Variants in DIMT1 observed in about 807,000 individuals in gnomAD.
The protein encoded by DIMT1 is dimethyladenosine transferase.
In DIMT1, 36 loss-of-function variants were observed where a neutral mutation model predicts 43.2. The observed-to-expected ratio is 0.83, with a 90% confidence interval of 0.64 to 1.10. DIMT1 has a LOEUF of 1.10. Among genes scored for constraint, DIMT1 ranks in the 50% least tolerant of loss-of-function variants. The pLI is 0.00. For missense variants in DIMT1, 341 were observed against 385.3 expected (o/e 0.88, Z 0.96); for synonymous variants, 126 against 130.3 (o/e 0.97, Z 0.22).
Position 62,389,076 on chromosome 5 carries a change from A to G in DIMT1, c.900-24T>C, listed in dbSNP as rs376464009. 7.0e-5 allele frequency: 113 copies of G among 1,605,996 alleles called. 3 individuals are homozygous for G. The African/African-American group carries it at 1.3e-3, about 18-fold the overall frequency. ...ATCTGAAAAAAGAAATCAAAATGGA[A>G]TGGTACTGAAAAGCTAATTTGTAGC... On this transcript the variant is annotated intron_variant, in intron 11 of 11. Coordinates refer to ENST00000199320, the MANE Select transcript of DIMT1 (RefSeq NM_014473.4).
intron 6 of DIMT1, among the ~76,000 whole-genome samples, chr5:62,395,238 T>A (rs1447300311): frequency 6.6e-6 from 1 of 152,038 alleles, no homozygotes; most frequent in Non-Finnish European, 1.5e-5. Context: ...TTGGCCAGGC[T>A]GGTCTGGAAC....
intron 6 of DIMT1, among the ~76,000 whole-genome samples, chr5:62,396,959 T>C (rs1271715208): frequency 1.3e-5 from 2 of 152,166 alleles, no homozygotes; most frequent in Non-Finnish European, 2.9e-5. Context: ...TCTTGTTTTC[T>C]TTTTTGACAA....
chr5:62,401,997 T>C (rs770225025), intron 3 of DIMT1, 39 bp downstream of exon 3: 102 of 1,585,616 alleles, frequency 6.4e-5, no homozygotes, highest in Non-Finnish European at 8.3e-5. Context: ...CTTGCTAACA[T>C]AGTCATTTGT....
chr5:62,397,443 C>G, intron 6 of DIMT1, among the ~76,000 whole-genome samples: 1 of 152,106 alleles, frequency 6.6e-6, no homozygotes, highest in East Asian at 1.9e-4. Flanking sequence ...TAAGCTAAAC[C>G]AACTGTGATG....
intron 6 of DIMT1, among the ~76,000 whole-genome samples, chr5:62,395,623 T>A (rs1009032975): frequency 6.6e-6 from 1 of 152,228 alleles, no homozygotes; most frequent in African/African-American, 2.4e-5. Context: ...ATTAATTTTA[T>A]AACCACTAGT....
At chr5:62,393,251 A>G (rs1382861366) in intron 8 of DIMT1, among the ~76,000 whole-genome samples, 1 of 151,544 alleles carries the variant, frequency 6.6e-6, no homozygotes, top group Non-Finnish European at 1.5e-5. Context: ...TTTTTTTTTA[A>G]TTTGAAAAAA....
intron 6 of DIMT1, among the ~76,000 whole-genome samples, chr5:62,396,399 T>C (rs966012560): frequency 4.0e-5 from 6 of 151,892 alleles, no homozygotes; most frequent in African/African-American, 1.5e-4. Context: ...TCGCAGCTAC[T>C]TGGGAGGCTG....
intron 2 of DIMT1, 100 bp downstream of exon 2, chr5:62,403,173 G>T: frequency 6.9e-6 from 7 of 1,009,894 alleles, no homozygotes; most frequent in East Asian, 2.5e-5. Context: ...AATATTTACA[G>T]AGCATCTAAT....
In DIMT1 at chr5:62,403,870, C is replaced by G. The variant is rs1412606943; in HGVS notation, c.-98G>C. 1.1e-5 allele frequency: 14 copies of G among 1,315,230 alleles called. No homozygotes were observed. Among genetic ancestry groups the G allele is most frequent in the Non-Finnish European group, 1.5e-5 (14 of 951,276 alleles). The allele number at this position is 1,315,230 out of a possible 1,614,324, so 81.5% of individuals were successfully genotyped here. On this transcript the variant is annotated 5_prime_UTR_variant, in exon 1 of 12. Coordinates refer to ENST00000199320, the MANE Select transcript of DIMT1 (RefSeq NM_014473.4). Reference sequence around the variant, plus strand: ...ACGTGGGGATCGCCGCCACGCGCCGCCCGCACCACTCTGGCCCAAGCGCCG... The same window carrying G: ...ACGTGGGGATCGCCGCCACGCGCCGGCCGCACCACTCTGGCCCAAGCGCCG...
chr5:62,393,065 G>A (rs35014), intron 8 of DIMT1, 75 bp from the exon 9 acceptor site: 227,677 of 974,964 alleles, frequency 0.23, 27,073 homozygotes, highest in Middle Eastern at 0.27. Context: ...GTATTATTTT[G>A]TCTTTTAATA....
intron 6 of DIMT1, 49 bp downstream of exon 6, chr5:62,398,462 C>T (rs375959089): frequency 1.9e-6 from 3 of 1,592,312 alleles, no homozygotes; most frequent in African/African-American, 2.7e-5. Flanking sequence ...ACCACCTGAA[C>T]TGTAAGTCTT....
Position 62,387,517 on chromosome 5 carries a change from C to A in DIMT1, c.*1493G>T, listed in dbSNP as rs1048217127. 2.0e-5 allele frequency: 3 copies of A among 152,040 alleles called. No individual in the cohort carries two copies. The South Asian group carries it at 6.2e-4, about 31-fold the overall frequency. The allele number at this position is 152,040 out of a possible 1,614,324, so 9.4% of individuals were successfully genotyped here. A position where few individuals can be genotyped will look rare whatever the true frequency, so the allele number is the denominator to read the frequency against. ...TACACTATGATGGCTTCATTCTGATCAGGTATTTTAAAAATTAGTACCAGA... is the reference window on the plus strand; with the variant it reads ...TACACTATGATGGCTTCATTCTGATAAGGTATTTTAAAAATTAGTACCAGA... On this transcript the variant is annotated 3_prime_UTR_variant, in exon 12 of 12. Transcript: ENST00000199320.
chr5:62,394,328 C>T (rs561875351), intron 7 of DIMT1, among the ~76,000 whole-genome samples, 156 bp downstream of exon 7: 2 of 152,192 alleles, frequency 1.3e-5, no homozygotes, highest in South Asian at 2.1e-4. Context: ...ATTAGTCAGG[C>T]GTGGTGACGC....
intron 3 of DIMT1, among the ~76,000 whole-genome samples, chr5:62,401,179 T>C (rs1222374068): frequency 6.6e-6 from 1 of 152,054 alleles, no homozygotes; most frequent in Non-Finnish European, 1.5e-5. Context: ...AGGGGAGGCG[T>C]TGGGTATTTC....
chr5:62,403,253 C>T lies in DIMT1; in HGVS notation c.153+20G>A. 2 of 1,608,932 alleles carry T rather than the reference C, an allele frequency of 1.2e-6. No homozygotes were observed. The highest frequency in any genetic ancestry group is 2.2e-5 in the South Asian group (2 of 90,888). ...AATTAATAAACCAACAACTCTCTCC[C>T]TTTCCTCTTCCACACCCACCTTATC... On this transcript the variant is annotated intron_variant, in intron 2 of 11. Coordinates refer to ENST00000199320, the MANE Select transcript of DIMT1 (RefSeq NM_014473.4).
chr5:62,394,406 G>A, intron 7 of DIMT1, 78 bp downstream of exon 7: 2 of 1,475,936 alleles, frequency 1.4e-6, no homozygotes, highest in Non-Finnish European at 1.9e-6. Context: ...AGATCGCAGT[G>A]AGCCACTGCA....
intron 3 of DIMT1, among the ~76,000 whole-genome samples, chr5:62,399,510 G>C (rs963969575): frequency 6.6e-6 from 1 of 151,500 alleles, no homozygotes; most frequent in East Asian, 1.9e-4. Context: ...TGGGCCTAGT[G>C]GTGGGCGCCT....
Position 62,388,685 on chromosome 5 carries a change from A to G in DIMT1, c.*325T>C, listed in dbSNP as rs1008560342. 3.6e-5 allele frequency: 9 copies of G among 249,236 alleles called. No individual in the cohort carries two copies. Among genetic ancestry groups the G allele is most frequent in the African/African-American group, 2.1e-4 (9 of 43,888 alleles). The allele number at this position is 249,236 out of a possible 1,614,324, so 15.4% of individuals were successfully genotyped here. A position where few individuals can be genotyped will look rare whatever the true frequency, so the allele number is the denominator to read the frequency against. On this transcript the variant is annotated 3_prime_UTR_variant, in exon 12 of 12. Coordinates refer to ENST00000199320, the MANE Select transcript of DIMT1 (RefSeq NM_014473.4). ...GCTAAAGGCCTAAAGAAGGCCTTAC[A>G]GTATATAACAGTAAATAGAAGAGTA...
rs1742160202 is a variant in DIMT1, at chr5:62,388,870, G to A, written c.*140C>T. The A allele has an allele frequency of 2.8e-6, 2 of 725,398 alleles. No homozygotes were observed. Among genetic ancestry groups the A allele is most frequent in the South Asian group, 3.4e-5 (2 of 57,986 alleles). 44.9% of individuals were successfully genotyped at this position (725,398 alleles called of 1,614,324 possible). A position where few individuals can be genotyped will look rare whatever the true frequency, so the allele number is the denominator to read the frequency against. ...AACTTTAAAATTCAGAATCATAAAT[G>A]GTGACAACAGTAGTAGTATTGAACC... On this transcript the variant is annotated 3_prime_UTR_variant, in exon 12 of 12. Transcript: ENST00000199320.
Sources: gnomAD v4.1 joint callset for allele counts (sites outside exome capture counted in the v4.1 genomes callset) on GRCh38, gnomAD v4.1.1 for gene constraint, MANE v1.5 for transcripts, NCBI Gene and HGNC (gene_info 2026-07-23, HGNC 2026-07-21) for gene names.